EBF1: variants seen among roughly 807,000 people sequenced by gnomAD.
EBF1 encodes the protein EBF transcription factor 1, also known as transcription factor COE1.
In EBF1, 10 loss-of-function variants were observed where a neutral mutation model predicts 68.4. That is an observed-to-expected ratio of 0.15 (90% CI 0.09 to 0.25). The LOEUF is 0.25. EBF1 is among the 10% of genes least tolerant of loss of function. The pLI is 1.00. For missense variants in EBF1, 509 were observed against 794.4 expected (o/e 0.64, Z 4.32); for synonymous variants, 298 against 299.8 (o/e 0.99, Z 0.06).
chr5:158,696,897 GTT>G lies in EBF1; in HGVS notation c.*2212_*2213del, dbSNP rs1273982927. 2.4e-5 allele frequency: 4 copies of G among 169,400 alleles called. No individual in the cohort carries two copies. Among genetic ancestry groups the G allele is most frequent in the Non-Finnish European group, 3.7e-5 (3 of 81,382 alleles). 10.5% of individuals were successfully genotyped at this position (169,400 alleles called of 1,614,324 possible). On this transcript the variant is annotated 3_prime_UTR_variant, in exon 16 of 16. Coordinates refer to ENST00000313708, the MANE Select transcript of EBF1 (RefSeq NM_024007.5). ...TTCTTTTGTGCTTTTCGATTTCTTT[GTT>G]TTTTTTTTTTTCTTTTTTTCTTTTT...
chr5:158,967,350 A>G (rs1337200246), intron 6 of EBF1, among the ~76,000 whole-genome samples: 1 of 152,208 alleles, frequency 6.6e-6, no homozygotes, highest in Non-Finnish European at 1.5e-5. Context: ...ACCAGAATCA[A>G]TATGTATCTT....
chr5:158,862,567 G>A (rs1455381720), intron 6 of EBF1, among the ~76,000 whole-genome samples: 1 of 151,858 alleles, frequency 6.6e-6, no homozygotes, highest in Admixed American at 6.6e-5. Flanking sequence ...CCTGCTACAG[G>A]GCTGAGAAAA....
intron 7 of EBF1, among the ~76,000 whole-genome samples, chr5:158,837,174 G>C (rs1312730636): frequency 6.6e-6 from 1 of 152,102 alleles, no homozygotes; most frequent in African/African-American, 2.4e-5. Context: ...GACATTTTTG[G>C]GTGTCATGAT....
chr5:159,024,426 A>G (rs1008427985), intron 6 of EBF1, among the ~76,000 whole-genome samples: 7 of 152,206 alleles, frequency 4.6e-5, no homozygotes, highest in Non-Finnish European at 1.0e-4. Flanking sequence ...TATTTTGGAA[A>G]GCCCTTGACA....
intron 10 of EBF1, among the ~76,000 whole-genome samples, chr5:158,765,685 A>G (rs1309068256): frequency 6.6e-6 from 1 of 152,142 alleles, no homozygotes; most frequent in African/African-American, 2.4e-5. Flanking sequence ...GTTTCTGCTC[A>G]TGATTTAGGG....
chr5:158,777,755 G>A (rs1286058312), intron 9 of EBF1, among the ~76,000 whole-genome samples: 3 of 152,108 alleles, frequency 2.0e-5, no homozygotes, highest in Non-Finnish European at 4.4e-5. Flanking sequence ...TTCCTACATG[G>A]CAGGCCCTCT....
chr5:158,785,580 A>G (rs1339064807), intron 9 of EBF1, among the ~76,000 whole-genome samples: 1 of 152,234 alleles, frequency 6.6e-6, no homozygotes, highest in African/African-American at 2.4e-5. Flanking sequence ...GAACGTGAGA[A>G]AAAGCCAGAG....
chr5:159,061,459 G>C (rs1775806313), intron 6 of EBF1, among the ~76,000 whole-genome samples: 2 of 152,074 alleles, frequency 1.3e-5, no homozygotes. Context: ...GAAAGAGGTG[G>C]GGTAGAAAGA....
rs2127452839 is a variant in EBF1, at chr5:158,698,300, C to T, written c.*811G>A. ...CACCAAGCTCTCGAGAGGCCATCGG[C>T]TTCAGAAGAAACTGACTTAAGTAAA... is the stretch of plus-strand genomic sequence containing the variant. On this transcript the variant is annotated 3_prime_UTR_variant, in exon 16 of 16. Transcript: ENST00000313708. The T allele has an allele frequency of 4.5e-6, 1 of 222,012 alleles. No individual in the cohort carries two copies. The highest frequency in any genetic ancestry group is 6.5e-5 in the East Asian group (1 of 15,466). 13.8% of individuals were successfully genotyped at this position (222,012 alleles called of 1,614,324 possible).
At chr5:158,920,458 C>T (rs1399131360) in intron 6 of EBF1, among the ~76,000 whole-genome samples, 2 of 152,250 alleles carry the variant, frequency 1.3e-5, no homozygotes, top group African/African-American at 2.4e-5. Context: ...GTTCCCTGCC[C>T]TCCAATACCT....
At chr5:158,708,904 C>T (rs1489989717) in intron 14 of EBF1, among the ~76,000 whole-genome samples, 2 of 152,182 alleles carry the variant, frequency 1.3e-5, no homozygotes, top group African/African-American at 2.4e-5. Context: ...CAGAGCCTTA[C>T]ATAAATACTC....
intron 7 of EBF1, among the ~76,000 whole-genome samples, chr5:158,834,630 T>C (rs559920196): frequency 5.3e-5 from 8 of 152,230 alleles, no homozygotes; most frequent in Non-Finnish European, 1.2e-4. Flanking sequence ...GTCACACTAA[T>C]TGACACGACC....
chr5:158,771,034 T>A (rs1561876386), intron 10 of EBF1, among the ~76,000 whole-genome samples: 1 of 152,024 alleles, frequency 6.6e-6, no homozygotes. Context: ...ATTTGTGAGG[T>A]GAATGAATGA....
At chr5:158,866,108 C>T (rs1297411337) in intron 6 of EBF1, among the ~76,000 whole-genome samples, 2 of 152,166 alleles carry the variant, frequency 1.3e-5, no homozygotes, top group Admixed American at 1.3e-4. Flanking sequence ...GGCACTTGCC[C>T]AAGGCCACAA....
chr5:158,895,741 G>A (rs17056333), intron 6 of EBF1, among the ~76,000 whole-genome samples: 3,570 of 152,266 alleles, frequency 0.023, 135 homozygotes, highest in African/African-American at 0.082. Flanking sequence ...TACCTAACCA[G>A]TGATCCCTTG....
rs755517534 is a variant in EBF1, at chr5:158,708,163, G to A, written c.1560C>T (p.Ser520=). The change falls in exon 15 of 16, where the codon TCC becomes TCT. Residue 520 remains serine, a synonymous_variant. Coordinates refer to ENST00000313708, the MANE Select transcript of EBF1 (RefSeq NM_024007.5). ...AANSPYAIVP[S]SPTMASSTSL... is the part of the protein sequence containing the mutation. ...TTGTGGAGGAGGCCATGGTGGGGCT[G>A]GATGGCACTACTGAGAGGGGCAATG... 2 of 1,579,978 alleles carry A rather than the reference G, an allele frequency of 1.3e-6. No homozygotes were observed. Among genetic ancestry groups the A allele is most frequent in the Non-Finnish European group, 8.6e-7 (1 of 1,162,358 alleles).
chr5:158,856,300 C>T (rs1432339421), intron 6 of EBF1, among the ~76,000 whole-genome samples: 2 of 152,106 alleles, frequency 1.3e-5, no homozygotes, highest in East Asian at 1.9e-4. Context: ...AAAACCATTC[C>T]CTGAACGCTG....
intron 6 of EBF1, among the ~76,000 whole-genome samples, chr5:158,910,161 C>G (rs1261316814): frequency 2.0e-5 from 3 of 151,980 alleles, no homozygotes; most frequent in Non-Finnish European, 2.9e-5. Flanking sequence ...CAATGCTAGC[C>G]AAAAATGATT....
At chr5:159,010,524 G>A (rs923037956) in intron 6 of EBF1, among the ~76,000 whole-genome samples, 1 of 152,164 alleles carries the variant, frequency 6.6e-6, no homozygotes, top group Admixed American at 6.5e-5. Context: ...CTTTTGGACA[G>A]CTAAGATCAA....
Sources: allele counts gnomAD v4.1 joint callset (sites outside exome capture counted in the v4.1 genomes callset), GRCh38; gene constraint gnomAD v4.1.1; transcripts MANE v1.5; gene names NCBI Gene and HGNC (gene_info 2026-07-23, HGNC 2026-07-21).